NME7: variants seen among roughly 807,000 people sequenced by gnomAD.
NME7 encodes NME/NM23 family member 7.
A neutral mutation model predicts 49.1 loss-of-function variants in NME7; 41 were observed. That is an observed-to-expected ratio of 0.83 (90% confidence interval 0.65 to 1.08). The LOEUF (loss-of-function observed/expected upper bound fraction) is 1.08. Among genes scored for constraint, NME7 ranks in the 50% least tolerant of loss-of-function variants. The pLI, the probability that NME7 is intolerant of heterozygous loss-of-function variation, is 0.00. For missense variants in NME7, 423 were observed against 463.4 expected (o/e 0.91, Z 0.80); for synonymous variants, 139 against 150.6 (o/e 0.92, Z 0.56).
At chr1:169,152,043 TTAAG>T (rs1658929230) in intron 11 of NME7, among the ~76,000 whole-genome samples, 1 of 152,194 alleles carries the variant, frequency 6.6e-6, no homozygotes, top group Non-Finnish European at 1.5e-5. Flanking sequence ...AAAAAGATAA[TTAAG>T]TAAGTTCTGA....
intron 3 of NME7, among the ~76,000 whole-genome samples, chr1:169,316,949 A>G (rs1452164866): frequency 1.3e-5 from 2 of 152,084 alleles, no homozygotes; most frequent in African/African-American, 2.4e-5. Flanking sequence ...AAAAAACTGA[A>G]GAGAGGAAGA....
chr1:169,189,462 G>C (rs1038658840), intron 10 of NME7, among the ~76,000 whole-genome samples: 1 of 152,122 alleles, frequency 6.6e-6, no homozygotes, highest in African/African-American at 2.4e-5. Context: ...GTGGGCTCAT[G>C]TAATTCATTT....
intron 10 of NME7, among the ~76,000 whole-genome samples, chr1:169,191,875 G>A (rs1660241385): frequency 6.6e-6 from 1 of 152,074 alleles, no homozygotes; most frequent in South Asian, 2.1e-4. Context: ...AGGTTTGACA[G>A]ACACTGGTCA....
intron 10 of NME7, among the ~76,000 whole-genome samples, chr1:169,212,599 C>CCTT: frequency 8.6e-6 from 1 of 116,434 alleles, no homozygotes; most frequent in East Asian, 2.6e-4. Flanking sequence ...AACAAATGTC[C>CCTT]TTTTTTTTTT....
In NME7 at chr1:169,228,041, T is replaced by TACAC. The variant is rs72257273; in HGVS notation, c.990+2673_990+2676dup. On this transcript the variant is annotated intron_variant, in intron 10 of 11. Transcript: ENST00000367811. Reference sequence around the variant, plus strand: ...AAAAAAATATATAATTATGTGTGTATACACACACACACACACACACACACA... The same window carrying TACAC: ...AAAAAAATATATAATTATGTGTGTATACACACACACACACACACACACACACACA... Among the ~76,000 whole-genome samples the TACAC allele has an allele frequency of 0.058, 8,471 of 147,060 alleles. 1,042 individuals carry two copies. The East Asian group carries it at 0.59, about 10-fold the overall frequency.
At chr1:169,200,920 T>C (rs1398681410) in intron 10 of NME7, among the ~76,000 whole-genome samples, 2 of 152,130 alleles carry the variant, frequency 1.3e-5, no homozygotes, top group Non-Finnish European at 2.9e-5. Flanking sequence ...TGAATGATAA[T>C]AAAACTGACA....
intron 6 of NME7, among the ~76,000 whole-genome samples, chr1:169,288,338 G>A (rs769656581): frequency 1.2e-4 from 18 of 152,064 alleles, no homozygotes; most frequent in Non-Finnish European, 2.5e-4. Flanking sequence ...ACAAGGGATT[G>A]GTACTCAAAT....
chr1:169,183,002 T>C (rs1407923253), intron 10 of NME7, among the ~76,000 whole-genome samples: 2 of 152,224 alleles, frequency 1.3e-5, no homozygotes, highest in African/African-American at 4.8e-5. Flanking sequence ...TATCACATTT[T>C]CTCAAACTAG....
chr1:169,276,308 A>G (rs1261664293), intron 7 of NME7, among the ~76,000 whole-genome samples: 4 of 133,324 alleles, frequency 3.0e-5, no homozygotes, highest in Non-Finnish European at 5.3e-5. Context: ...CTGTGAATCC[A>G]TCTGGTCCTG....
At position 169,272,936 on chromosome 1, in the gene NME7, C is replaced by T. The variant is rs1328942052; in HGVS notation, c.754+14367G>A. Among the ~76,000 whole-genome samples the T allele has an allele frequency of 6.8e-5, 9 of 133,328 alleles. 1 individual carries two copies. Among genetic ancestry groups the T allele is most frequent in the Non-Finnish European group, 1.1e-4 (6 of 56,724 alleles). 87.5% of individuals were successfully genotyped at this position (133,328 alleles called of 152,430 possible). ...TAACAGTGTAAAAGTGTTCCTTTTT[C>T]TCCACAGCCTCACCAGCAACGGCTG... On this transcript the variant is annotated intron_variant, in intron 7 of 11. Transcript: ENST00000367811.
intron 10 of NME7, among the ~76,000 whole-genome samples, chr1:169,198,989 A>T (rs1192727981): frequency 6.6e-6 from 1 of 152,136 alleles, no homozygotes; most frequent in Non-Finnish European, 1.5e-5. Context: ...TAAAACAAAA[A>T]AGATGTTCTT....
At chr1:169,155,972 C>T (rs1489577773) in intron 11 of NME7, among the ~76,000 whole-genome samples, 3 of 152,042 alleles carry the variant, frequency 2.0e-5, no homozygotes, top group Non-Finnish European at 4.4e-5. Flanking sequence ...CAGGCTCTAT[C>T]TCAGGTCTAC....
At chr1:169,360,602 C>G (rs929831064) in intron 1 of NME7, among the ~76,000 whole-genome samples, 1 of 152,152 alleles carries the variant, frequency 6.6e-6, no homozygotes, top group Non-Finnish European at 1.5e-5. Flanking sequence ...TATCTCCCTC[C>G]TGTTCCTCTA....
rs1433079347 is a variant in NME7 at position 169,273,651 on chromosome 1, C to A, written c.754+13652G>T. ...AACAGTCCCCAGAGTGTGATGTTCC[C>A]CTTCCTGTGTCCATGTGTTCTCATT... On this transcript the variant is annotated intron_variant, in intron 7 of 11. Coordinates refer to ENST00000367811, the MANE Select transcript of NME7 (RefSeq NM_013330.5). 5.9e-5 allele frequency among the ~76,000 whole-genome samples: 7 copies of A among 119,472 alleles called. 1 individual carries two copies. The highest frequency in any genetic ancestry group is 1.9e-4 in the African/African-American group (7 of 36,744). 78.4% of individuals were successfully genotyped at this position (119,472 alleles called of 152,430 possible).
At chr1:169,226,736 A>G (rs1041521053) in intron 10 of NME7, among the ~76,000 whole-genome samples, 1 of 152,238 alleles carries the variant, frequency 6.6e-6, no homozygotes, top group Non-Finnish European at 1.5e-5. Flanking sequence ...TAAGTACTTT[A>G]AAGAAATTTT....
chr1:169,284,284 T>G (rs548590845), intron 7 of NME7: 3 of 152,290 alleles, frequency 2.0e-5, no homozygotes, highest in African/African-American at 7.2e-5. Context: ...TGTGCTATGC[T>G]TTTCAGCTCC....
Position 169,358,333 on chromosome 1 carries a change from G to A in NME7, c.3+9375C>T, listed in dbSNP as rs1034004141. Among the ~76,000 whole-genome samples the A allele has an allele frequency of 5.1e-4, 77 of 151,934 alleles. 2 individuals are homozygous for A. The highest frequency in any genetic ancestry group is 2.1e-4 in the Non-Finnish European group (14 of 67,906). ...TAATCTAAACAGAAAGTATTATTTT[G>A]ATTTTATGGATGAGAAAATAACTAT... On this transcript the variant is annotated intron_variant, in intron 1 of 11. Coordinates refer to ENST00000367811, the MANE Select transcript of NME7 (RefSeq NM_013330.5).
At chr1:169,339,622 T>G (rs1349029709) in intron 1 of NME7, among the ~76,000 whole-genome samples, 1 of 152,208 alleles carries the variant, frequency 6.6e-6, no homozygotes, top group African/African-American at 2.4e-5. Flanking sequence ...TATTCCTTTA[T>G]CCCATAGCTA....
chr1:169,136,979 T>A (rs767500092), intron 11 of NME7, among the ~76,000 whole-genome samples: 1 of 152,252 alleles, frequency 6.6e-6, no homozygotes, highest in African/African-American at 2.4e-5. Context: ...CTTGAACACT[T>A]AGAGAATCTA....
Sources: gnomAD v4.1 joint callset for allele counts (sites outside exome capture counted in the v4.1 genomes callset) on GRCh38, gnomAD v4.1.1 for gene constraint, MANE v1.5 for transcripts, NCBI Gene and HGNC (gene_info 2026-07-23, HGNC 2026-07-21) for gene names.